The following SAXO5 variants were observed in gnomAD, a reference collection of about 807,000 sequenced individuals.
SAXO5 encodes the protein testis expressed 45.
the SAXO5 span, chr19:7,506,381 A>C: frequency 2.6e-5 from 15 of 572,590 alleles, no homozygotes; most frequent in Non-Finnish European, 3.5e-5. Flanking sequence ...GAAAGGCTAA[A>C]TCCCACCCCC....
chr19:7,501,348 T>C, the SAXO5 span: 3 of 1,550,700 alleles, frequency 1.9e-6, no homozygotes, highest in Middle Eastern at 1.7e-4. Context: ...CCAGGCGCTC[T>C]TTCCACCCCA....
the SAXO5 span, chr19:7,501,193 GCCT>G: frequency 6.5e-7 from 1 of 1,533,546 alleles, no homozygotes; most frequent in Non-Finnish European, 8.7e-7. Context: ...GCCGGGATCG[GCCT>G]CTCCAACGCG....
chr19:7,503,608 C>T, the SAXO5 span, among the ~76,000 whole-genome samples: 3 of 152,008 alleles, frequency 2.0e-5, no homozygotes, highest in South Asian at 2.1e-4. Flanking sequence ...TCTCAGTCTC[C>T]TGAGTAGCTG....
the SAXO5 span, chr19:7,498,819 G>C: frequency 1.3e-5 from 2 of 152,556 alleles, no homozygotes; most frequent in South Asian, 4.1e-4. Context: ...ACAGAGAGGA[G>C]AGCATGGGAG....
At chr19:7,508,113 C>G in the SAXO5 span, 2 of 1,068,400 alleles carry the variant, frequency 1.9e-6, no homozygotes, top group Non-Finnish European at 2.8e-6. Flanking sequence ...GGCCCCGCCC[C>G]CTGACTCATC....
the SAXO5 span, among the ~76,000 whole-genome samples, chr19:7,502,375 G>T: frequency 6.6e-6 from 1 of 152,166 alleles, no homozygotes; most frequent in African/African-American, 2.4e-5. Flanking sequence ...CTCCCAAAGT[G>T]CTGGGATTAT....
At chr19:7,506,081 G>A in the SAXO5 span, 1 of 1,613,978 alleles carries the variant, frequency 6.2e-7, no homozygotes, top group Non-Finnish European at 8.5e-7. Flanking sequence ...CATGGGCTCG[G>A]ACTACTGCCC....
At chr19:7,507,138 G>A in the SAXO5 span, 15 of 1,613,676 alleles carry the variant, frequency 9.3e-6, no homozygotes, top group Non-Finnish European at 1.0e-5. Flanking sequence ...AGATGCTACA[G>A]CGGGTAAGGG....
chr19:7,501,507 G>A, the SAXO5 span: 1 of 1,274,396 alleles, frequency 7.8e-7, no homozygotes, highest in Non-Finnish European at 1.0e-6. Context: ...GGCAATGTCT[G>A]GAAACGCTTT....
the SAXO5 span, chr19:7,507,116 C>T: frequency 1.6e-5 from 26 of 1,613,940 alleles, no homozygotes; most frequent in East Asian, 3.6e-4. Flanking sequence ...CCTCCGGCCC[C>T]GGTGACTGAA....
At chr19:7,499,947 T>TGTGTGTGTGTGTGTG in the SAXO5 span, 2 of 149,370 alleles carry the variant, frequency 1.3e-5, no homozygotes, top group African/African-American at 5.2e-5. Flanking sequence ...TGTGTGTGTG[T>TGTGTGTGTGTGTGTG]GTGTGTGTGT....
At chr19:7,504,729 C>G in the SAXO5 span, among the ~76,000 whole-genome samples, 1 of 150,662 alleles carries the variant, frequency 6.6e-6, no homozygotes. Flanking sequence ...AAGTGGGGGA[C>G]GAGGGGGCAC....
At chr19:7,501,353 A>C in the SAXO5 span, 1 of 1,540,228 alleles carries the variant, frequency 6.5e-7, no homozygotes. Flanking sequence ...CGCTCTTTCC[A>C]CCCCACGACG....
At chr19:7,503,038 G>A in the SAXO5 span, among the ~76,000 whole-genome samples, 2 of 152,154 alleles carry the variant, frequency 1.3e-5, no homozygotes, top group Non-Finnish European at 2.9e-5. Flanking sequence ...GCCTCAAGGA[G>A]GCTGTAACAA....
the SAXO5 span, among the ~76,000 whole-genome samples, chr19:7,501,601 C>T: frequency 1.2e-4 from 18 of 150,200 alleles, no homozygotes; most frequent in African/African-American, 4.2e-4. Flanking sequence ...GCGGGGGGAT[C>T]GCTTGAGGTC....
the SAXO5 span, chr19:7,508,364 C>G: frequency 6.2e-7 from 1 of 1,613,826 alleles, no homozygotes; most frequent in Non-Finnish European, 8.5e-7. Flanking sequence ...ACCAGCGCGG[C>G]TGCAGGGAGA....
the SAXO5 span, among the ~76,000 whole-genome samples, chr19:7,500,476 TA>T: frequency 6.6e-6 from 1 of 151,870 alleles, no homozygotes; most frequent in Admixed American, 6.6e-5. Context: ...TAATTTTTTT[TA>T]AAAATTATTT....
chr19:7,506,830 A>ACCTCTTCCCCAGCTCCTC, the SAXO5 span: 2 of 360,156 alleles, frequency 5.6e-6, no homozygotes, highest in South Asian at 6.8e-5. Context: ...CCCAGCGCCT[A>ACCTCTTCCCCAGCTCCTC]CCTCTTTCCC....
At chr19:7,506,965 G>T in the SAXO5 span, 10 of 1,028,746 alleles carry the variant, frequency 9.7e-6, no homozygotes, top group Non-Finnish European at 1.5e-5. Context: ...GCCTGGGCTT[G>T]GCTCTTGAAC....
Sources: allele counts gnomAD v4.1 joint callset (sites outside exome capture counted in the v4.1 genomes callset), GRCh38; gene constraint gnomAD v4.1.1; transcripts MANE v1.5; gene names NCBI Gene and HGNC (gene_info 2026-07-23, HGNC 2026-07-21).